PRKN: variants seen among roughly 807,000 people sequenced by gnomAD.
PRKN encodes parkin RBR E3 ubiquitin protein ligase.
PRKN carries 56 observed loss-of-function variants against 59.5 expected under a neutral mutation model. That is an observed-to-expected ratio of 0.94 (90% CI 0.76 to 1.18). The LOEUF is 1.18. Among genes scored for constraint, PRKN ranks in the 50% most tolerant of loss-of-function variants. The pLI, the probability that PRKN is intolerant of heterozygous loss-of-function variation, is 0.00. For synonymous variants in PRKN, 250 were observed against 222.1 expected (o/e 1.13, Z -1.12); for missense variants, 657 against 596.4 (o/e 1.10, Z -1.06).
chr6:162,169,809 A>C (rs927185960), intron 4 of PRKN, among the ~76,000 whole-genome samples: 11 of 152,186 alleles, frequency 7.2e-5, no homozygotes, highest in African/African-American at 2.7e-4. Context: ...TTGATCTTCT[A>C]TTTTACATCA....
At chr6:161,886,758 A>AATAATAC (rs1327926026) in intron 6 of PRKN, among the ~76,000 whole-genome samples, 1 of 149,056 alleles carries the variant, frequency 6.7e-6, no homozygotes, top group Non-Finnish European at 1.5e-5. Context: ...AAATAAAAAA[A>AATAATAC]AATAAAATAA....
chr6:162,669,979 C>T (rs1022587377), intron 1 of PRKN, among the ~76,000 whole-genome samples: 12 of 152,358 alleles, frequency 7.9e-5, no homozygotes, highest in Admixed American at 3.9e-4. Flanking sequence ...TTTAGAAGCA[C>T]ATTTGCAATT....
At chr6:162,340,857 C>T (rs1365867357) in intron 2 of PRKN, among the ~76,000 whole-genome samples, 3 of 152,080 alleles carry the variant, frequency 2.0e-5, no homozygotes, top group Non-Finnish European at 2.9e-5. Flanking sequence ...ACATAAGCAT[C>T]GGCAAAGACG....
intron 6 of PRKN, among the ~76,000 whole-genome samples, chr6:161,965,067 A>C (rs1273220577): frequency 6.6e-6 from 1 of 152,098 alleles, no homozygotes; most frequent in South Asian, 2.1e-4. Context: ...GAATGAAAGC[A>C]TACCAAAATC....
rs1784383580 is a variant in PRKN, at chr6:161,347,613, GTTTTTGTTTTTTT to G, written c.*2473_*2485del. Reference sequence around the variant, plus strand: ...GTGTAGTGGATGATCTTGCTTTTTTGTTTTTGTTTTTTTTTTTTTTTTGAGACAGAGTCTCACT... The same window carrying G: ...GTGTAGTGGATGATCTTGCTTTTTTGTTTTTTTTTGAGACAGAGTCTCACT... On this transcript the variant is annotated 3_prime_UTR_variant, in exon 12 of 12. Coordinates refer to ENST00000366898, the MANE Select transcript of PRKN (RefSeq NM_004562.3). The G allele has an allele frequency of 8.4e-6, 1 of 119,274 alleles. No individual in the cohort carries two copies. The highest frequency in any genetic ancestry group is 8.0e-5 in the Admixed American group (1 of 12,506). 7.4% of individuals were successfully genotyped at this position (119,274 alleles called of 1,614,324 possible).
At chr6:161,805,452 GCACACACA>G (rs1554310490) in intron 6 of PRKN, among the ~76,000 whole-genome samples, 78 of 39,128 alleles carry the variant, frequency 2.0e-3, no homozygotes, top group African/African-American at 3.2e-3. Flanking sequence ...GTACACACAT[GCACACACA>G]CACACACACA....
chr6:162,376,855 GGGGAAAGGGGGAGGAAGAGGGGGAGA>G (rs1786129666), intron 2 of PRKN, among the ~76,000 whole-genome samples: 1 of 91,174 alleles, frequency 1.1e-5, no homozygotes, highest in African/African-American at 4.3e-5. Flanking sequence ...GGGAGGGGGA[GGGGAAAGGGGGAGGAAGAGGGGGAGA>G]GGGAGAGGGA....
In PRKN at chr6:162,308,854, C is replaced by T. The variant is rs185303318; in HGVS notation, c.172-46089G>A. Among the ~76,000 whole-genome samples, 85 of 152,032 alleles carry T rather than the reference C, an allele frequency of 5.6e-4. 2 individuals are homozygous for T. Among genetic ancestry groups the T allele is most frequent in the African/African-American group, 1.8e-3 (76 of 41,510 alleles). The stretch of plus-strand genomic sequence containing the variant: ...TTTTACTTATGTACATGAGAAAAAC[C>T]GTGGGTCCTAATCAGTCATATGATA... On this transcript the variant is annotated intron_variant, in intron 2 of 11. Transcript: ENST00000366898.
intron 4 of PRKN, among the ~76,000 whole-genome samples, chr6:162,197,700 T>C (rs1036993039): frequency 4.6e-5 from 7 of 151,992 alleles, no homozygotes; most frequent in Admixed American, 3.9e-4. Flanking sequence ...TGGAGAAAAA[T>C]AGAAATACAA....
At chr6:162,295,500 C>T (rs1781629857) in intron 2 of PRKN, among the ~76,000 whole-genome samples, 1 of 152,174 alleles carries the variant, frequency 6.6e-6, no homozygotes, top group South Asian at 2.1e-4. Flanking sequence ...AATTTATTCA[C>T]ACACATGCGT....
chr6:162,545,217 G>A (rs1282237101), intron 1 of PRKN, among the ~76,000 whole-genome samples: 2 of 152,042 alleles, frequency 1.3e-5, no homozygotes, highest in East Asian at 3.9e-4. Context: ...GAACCCAGGA[G>A]GCGGAGGTTG....
At chr6:161,820,579 T>C (rs1342599954) in intron 6 of PRKN, among the ~76,000 whole-genome samples, 3 of 147,730 alleles carry the variant, frequency 2.0e-5, no homozygotes, top group African/African-American at 7.3e-5. Context: ...ATATAAAATA[T>C]ATAAACAAAT....
chr6:162,350,677 T>C (rs919834272), intron 2 of PRKN, among the ~76,000 whole-genome samples: 25 of 152,152 alleles, frequency 1.6e-4, no homozygotes, highest in African/African-American at 6.0e-4. Context: ...TAACACACAA[T>C]TGATCATAGT....
intron 1 of PRKN, among the ~76,000 whole-genome samples, chr6:162,579,077 T>A (rs1055794373): frequency 1.3e-5 from 2 of 151,796 alleles, no homozygotes; most frequent in African/African-American, 4.9e-5. Context: ...AATCTTATGT[T>A]ACATATTCTT....
intron 7 of PRKN, among the ~76,000 whole-genome samples, chr6:161,661,500 C>T (rs1396561396): frequency 6.6e-6 from 1 of 152,122 alleles, no homozygotes; most frequent in African/African-American, 2.4e-5. Flanking sequence ...ACCTCCTAGA[C>T]CGCAGGAACT....
chr6:162,172,682 C>T (rs575877235), intron 4 of PRKN, among the ~76,000 whole-genome samples: 18 of 152,294 alleles, frequency 1.2e-4, no homozygotes, highest in African/African-American at 3.6e-4. Context: ...AATTTGAATT[C>T]CCTGGTCCCT....
At chr6:161,990,756 G>C (rs1781615441) in intron 5 of PRKN, among the ~76,000 whole-genome samples, 1 of 152,054 alleles carries the variant, frequency 6.6e-6, no homozygotes, top group South Asian at 2.1e-4. Context: ...GGGATATATG[G>C]GACACCACAA....
At chr6:162,575,418 A>C (rs1188400935) in intron 1 of PRKN, among the ~76,000 whole-genome samples, 2 of 152,174 alleles carry the variant, frequency 1.3e-5, no homozygotes, top group African/African-American at 4.8e-5. Flanking sequence ...TCCTGAAGAC[A>C]TCCTGGCTGT....
intron 1 of PRKN, among the ~76,000 whole-genome samples, chr6:162,503,815 A>G (rs1225095110): frequency 6.6e-6 from 1 of 152,206 alleles, no homozygotes; most frequent in Admixed American, 6.5e-5. Flanking sequence ...AACTTACCCA[A>G]TGTGGGTAAA....
Sources: allele counts gnomAD v4.1 joint callset (sites outside exome capture counted in the v4.1 genomes callset), GRCh38; gene constraint gnomAD v4.1.1; transcripts MANE v1.5; gene names NCBI Gene and HGNC (gene_info 2026-07-23, HGNC 2026-07-21).